The following SLA variants were observed in gnomAD, a reference collection of about 807,000 sequenced individuals.
The protein encoded by SLA is src-like-adapter.
In SLA, 16 loss-of-function variants were observed where a neutral mutation model predicts 30.3. The ratio of observed to expected loss-of-function variants is 0.53; its 90% CI spans 0.36 to 0.80. The LOEUF (loss-of-function observed/expected upper bound fraction) is 0.80, where lower values mean the gene tolerates loss of function less well. Among genes scored for constraint, SLA ranks in the 30% least tolerant of loss-of-function variants. SLA has a pLI of 0.01. For synonymous variants in SLA, 143 were observed against 137.8 expected (o/e 1.04, Z -0.26); for missense variants, 310 against 345.2 (o/e 0.90, Z 0.81).
Position 133,038,401 on chromosome 8 carries a change from T to G in SLA, c.*123A>C. The G allele has an allele frequency of 1.3e-6, 1 of 748,714 alleles. No homozygotes were observed. Among genetic ancestry groups the G allele is most frequent in the Non-Finnish European group, 2.3e-6 (1 of 430,138 alleles). The allele number at this position is 748,714 out of a possible 1,614,324, so 46.4% of individuals were successfully genotyped here. A position where few individuals can be genotyped will look rare whatever the true frequency, so the allele number is the denominator to read the frequency against. ...ATGCGAATTTGAGTCTCCATGTGGCTTCTCTTGGCTTCTAAAATACGTGAG... is the reference window on the plus strand; with the variant it reads ...ATGCGAATTTGAGTCTCCATGTGGCGTCTCTTGGCTTCTAAAATACGTGAG... On this transcript the variant is annotated 3_prime_UTR_variant, in exon 9 of 9. Coordinates refer to ENST00000338087, the MANE Select transcript of SLA (RefSeq NM_001045556.3).
At position 133,093,914 on chromosome 8, in the gene SLA, C is replaced by T. The variant is rs548869874; in HGVS notation, c.-319+8639G>A. Among the ~76,000 whole-genome samples, 217 of 152,308 alleles carry T rather than the reference C, an allele frequency of 1.4e-3. 1 individual carries two copies. Among genetic ancestry groups the T allele is most frequent in the Non-Finnish European group, 2.0e-3 (139 of 68,024 alleles). On this transcript the variant is annotated intron_variant, in intron 1 of 8. Transcript: ENST00000338087. ...TCTGATGAGCTGAAATAGGGAACCT[C>T]TTGAGTGAGTTTGTCGGAGCCCTCA...
At chr8:133,097,690 A>G (rs527932054) in intron 1 of SLA, among the ~76,000 whole-genome samples, 4 of 152,378 alleles carry the variant, frequency 2.6e-5, no homozygotes, top group Non-Finnish European at 4.4e-5. Context: ...AAGATTCACA[A>G]CATGCAATTA....
intron 1 of SLA, chr8:133,095,068 G>T (rs73354644): frequency 7.4e-6 from 12 of 1,613,896 alleles, no homozygotes; most frequent in Non-Finnish European, 8.5e-6. Context: ...CTCCCCGGCC[G>T]CCGTCATCAG....
intron 8 of SLA, among the ~76,000 whole-genome samples, chr8:133,039,723 T>C (rs959329232): frequency 6.6e-6 from 1 of 152,208 alleles, no homozygotes; most frequent in African/African-American, 2.4e-5. Context: ...AGCTAGAATG[T>C]ATATTGCTAG....
chr8:133,068,523 T>C (rs1158338676), intron 2 of SLA, among the ~76,000 whole-genome samples: 2 of 152,272 alleles, frequency 1.3e-5, no homozygotes, highest in Admixed American at 6.5e-5. Context: ...CCACTCTTTC[T>C]GCTGTTTTTG....
chr8:133,038,587 C>T lies in SLA; in HGVS notation c.768G>A (p.Leu256=). 2 of 1,614,146 alleles carry T rather than the reference C, an allele frequency of 1.2e-6. No homozygotes were observed. Among genetic ancestry groups the T allele is most frequent in the Non-Finnish European group, 1.7e-6 (2 of 1,180,000 alleles). ...TCTTTCTCTTGCTGCCACCATACAT[C>T]AGGGAGATGCTTTTCTTCTTTCGAT... ...SFDRKKKSIS[L]MYGGSKRKSS... The change falls in exon 9 of 9, where the codon CTG becomes CTA. Residue 256 remains leucine (L), a synonymous_variant. Transcript: ENST00000338087.
At chr8:133,090,753 C>A (rs887884737) in intron 1 of SLA, among the ~76,000 whole-genome samples, 1 of 152,198 alleles carries the variant, frequency 6.6e-6, no homozygotes, top group African/African-American at 2.4e-5. Flanking sequence ...AGGTTAGGAA[C>A]TGGAAGCTCA....
At chr8:133,059,554 C>T (rs1042829370) in intron 3 of SLA, among the ~76,000 whole-genome samples, 3 of 152,034 alleles carry the variant, frequency 2.0e-5, no homozygotes, top group Admixed American at 1.3e-4. Flanking sequence ...AGGCTCTTCC[C>T]CCGAGAATGC....
chr8:133,057,898 T>C (rs1473175583), intron 3 of SLA, among the ~76,000 whole-genome samples: 1 of 152,186 alleles, frequency 6.6e-6, no homozygotes, highest in Non-Finnish European at 1.5e-5. Flanking sequence ...GTGTCCAGGC[T>C]GGCCTCTGGG....
intron 3 of SLA, among the ~76,000 whole-genome samples, 193 bp downstream of exon 3, chr8:133,059,907 C>T (rs1123672): frequency 0.2 from 30,171 of 152,174 alleles, 3,163 homozygotes; most frequent in Non-Finnish European, 0.22. Flanking sequence ...TCAGGTGCGC[C>T]GAGCACCCAA....
chr8:133,074,975 G>T lies in SLA; in HGVS notation c.-163C>A. ...GAATAAACAGGCAGCCGGGCTTCTC[G>T]CGGTTGTGGAGAAGCAGCCCATGCT... On this transcript the variant is annotated 5_prime_UTR_variant, in exon 2 of 9. Coordinates refer to ENST00000338087, the MANE Select transcript of SLA (RefSeq NM_001045556.3). 1.0e-6 allele frequency: 1 copy of T among 985,426 alleles called. No homozygotes were observed. Among genetic ancestry groups the T allele is most frequent in the Non-Finnish European group, 1.2e-6 (1 of 829,974 alleles). 61.0% of individuals were successfully genotyped at this position (985,426 alleles called of 1,614,324 possible).
At chr8:133,094,914 C>T in intron 1 of SLA, 2 of 1,251,424 alleles carry the variant, frequency 1.6e-6, no homozygotes, top group Non-Finnish European at 2.3e-6. Flanking sequence ...GTGTGCAGCC[C>T]CAGAATGGGT....
chr8:133,076,490 A>G (rs1017471364), intron 1 of SLA, among the ~76,000 whole-genome samples: 2 of 152,244 alleles, frequency 1.3e-5, no homozygotes, highest in African/African-American at 4.8e-5. Flanking sequence ...GTACAAAGGA[A>G]CTATTGCAAA....
intron 1 of SLA, among the ~76,000 whole-genome samples, chr8:133,089,518 G>T (rs1004621560): frequency 9.2e-5 from 14 of 152,158 alleles, no homozygotes; most frequent in Non-Finnish European, 1.6e-4. Context: ...TACCTGCTCT[G>T]TGTCCCAGGG....
At chr8:133,049,668 C>G (rs1402346491) in intron 5 of SLA, 1 of 521,104 alleles carries the variant, frequency 1.9e-6, no homozygotes, top group African/African-American at 1.9e-5. Context: ...CATGTTAGAG[C>G]TGAAAGGTCC....
chr8:133,058,189 G>A (rs1409684250), intron 3 of SLA, among the ~76,000 whole-genome samples: 2 of 152,184 alleles, frequency 1.3e-5, no homozygotes, highest in Non-Finnish European at 2.9e-5. Flanking sequence ...ACTCAAGTAG[G>A]TAGAAGAGAA....
At chr8:133,061,240 C>G (rs1842328105) in intron 2 of SLA, among the ~76,000 whole-genome samples, 1 of 152,196 alleles carries the variant, frequency 6.6e-6, no homozygotes, top group Non-Finnish European at 1.5e-5. Context: ...GACTCCTGAT[C>G]TCAGGTGATC....
intron 3 of SLA, among the ~76,000 whole-genome samples, chr8:133,057,102 T>C (rs180871230): frequency 9.7e-4 from 148 of 152,072 alleles, no homozygotes; most frequent in African/African-American, 3.5e-3. Context: ...CCCCCTTCTT[T>C]CCACTGGGCA....
intron 2 of SLA, among the ~76,000 whole-genome samples, chr8:133,074,573 C>T (rs1423497465): frequency 6.6e-6 from 1 of 152,218 alleles, no homozygotes; most frequent in Non-Finnish European, 1.5e-5. Context: ...TTGTAAGAAG[C>T]CTGCTAAGTA....
Sources: allele counts gnomAD v4.1 joint callset (sites outside exome capture counted in the v4.1 genomes callset), GRCh38; gene constraint gnomAD v4.1.1; transcripts MANE v1.5; gene names NCBI Gene and HGNC (gene_info 2026-07-23, HGNC 2026-07-21).